The following LAMP3 variants were observed in gnomAD, a reference collection of about 807,000 sequenced individuals.
LAMP3 encodes lysosome-associated membrane glycoprotein 3.
Under a neutral mutation model 34.8 loss-of-function variants are expected in LAMP3, and 26 were observed. The ratio of observed to expected loss-of-function variants is 0.75; its 90% CI spans 0.55 to 1.04. The LOEUF is 1.04. Among genes scored for constraint, LAMP3 ranks in the 50% least tolerant of loss-of-function variants. LAMP3 has a pLI of 0.00. For synonymous variants in LAMP3, 180 were observed against 201.9 expected (o/e 0.89, Z 0.92); for missense variants, 495 against 524.0 (o/e 0.94, Z 0.54).
chr3:183,143,880 G>A lies in LAMP3; in HGVS notation c.889-3285C>T, dbSNP rs192615334. On this transcript the variant is annotated intron_variant, in intron 3 of 5. Coordinates refer to ENST00000265598, the MANE Select transcript of LAMP3 (RefSeq NM_014398.4). ...AGGCTCTGTGGTCCTTTGTTAATCCGTCAAGGAACCTTAACATCCTCCTTA... is the reference window on the plus strand; with the variant it reads ...AGGCTCTGTGGTCCTTTGTTAATCCATCAAGGAACCTTAACATCCTCCTTA... Among the ~76,000 whole-genome samples the A allele has an allele frequency of 1.3e-3, 192 of 152,130 alleles. 1 individual carries two copies. The highest frequency in any genetic ancestry group is 2.1e-3 in the Non-Finnish European group (142 of 67,998).
chr3:183,158,010 G>T, intron 1 of LAMP3: 1 of 152,514 alleles, frequency 6.6e-6, no homozygotes, highest in Non-Finnish European at 1.5e-5. Context: ...AGAAGGCTGG[G>T]CTGGCAAATG....
intron 5 of LAMP3, among the ~76,000 whole-genome samples, chr3:183,129,715 C>G (rs1719862051): frequency 6.6e-6 from 1 of 152,166 alleles, no homozygotes; most frequent in East Asian, 1.9e-4. Context: ...CTTTCTGTTC[C>G]TTGAATTATG....
chr3:183,143,204 G>A (rs546742947), intron 3 of LAMP3, among the ~76,000 whole-genome samples: 2 of 152,236 alleles, frequency 1.3e-5, no homozygotes, highest in Admixed American at 6.5e-5. Context: ...AACCTGCTGG[G>A]CTCAAGTGAT....
upstream of LAMP3, chr3:183,163,757 C>A (rs923511106): frequency 2.0e-5 from 3 of 152,350 alleles, no homozygotes; most frequent in African/African-American, 7.2e-5. Flanking sequence ...GCCCAGGCCT[C>A]GCCAGGACCG....
intron 3 of LAMP3, among the ~76,000 whole-genome samples, chr3:183,140,879 G>C (rs552491333): frequency 2.0e-5 from 3 of 152,170 alleles, no homozygotes; most frequent in Non-Finnish European, 4.4e-5. Flanking sequence ...GAGTCCCTTC[G>C]GTTGGGCCAA....
chr3:183,141,580 T>C (rs1187076763), intron 3 of LAMP3, among the ~76,000 whole-genome samples: 2 of 152,302 alleles, frequency 1.3e-5, no homozygotes, highest in Middle Eastern at 6.8e-3. Flanking sequence ...GTTTCAAATA[T>C]AGTCATTAGA....
At chr3:183,137,585 A>G (rs1413913179) in intron 4 of LAMP3, among the ~76,000 whole-genome samples, 1 of 152,162 alleles carries the variant, frequency 6.6e-6, no homozygotes, top group Non-Finnish European at 1.5e-5. Context: ...CTCTGTGTAC[A>G]CTGCCGGGTC....
intron 2 of LAMP3, among the ~76,000 whole-genome samples, chr3:183,152,783 T>C (rs1720680988): frequency 6.6e-6 from 1 of 152,226 alleles, no homozygotes; most frequent in African/African-American, 2.4e-5. Context: ...ACATGTTAAA[T>C]GATACTAGAG....
chr3:183,131,069 G>C (rs1719904877), intron 5 of LAMP3, among the ~76,000 whole-genome samples: 1 of 152,124 alleles, frequency 6.6e-6, no homozygotes, highest in Admixed American at 6.6e-5. Context: ...TGCTTTTTGT[G>C]GTTACCAGAA....
chr3:183,152,225 G>A, intron 3 of LAMP3, 150 bp downstream of exon 3: 1 of 849,454 alleles, frequency 1.2e-6, no homozygotes, highest in South Asian at 2.1e-5. Flanking sequence ...AACATAAGAT[G>A]TTGACACTTC....
chr3:183,132,478 C>T, intron 5 of LAMP3: 1 of 984,260 alleles, frequency 1.0e-6, no homozygotes. Context: ...AACGTCTTCC[C>T]CACAATTCTC....
At position 183,135,777 on chromosome 3, in the gene LAMP3, C is replaced by T. The variant is rs770062738; in HGVS notation, c.1057G>A (p.Val353Met). 18 of 1,614,172 alleles carry T rather than the reference C, an allele frequency of 1.1e-5. 2 individuals carry two copies. The South Asian group carries it at 1.9e-4, about 17-fold the overall frequency. The change falls in exon 5 of 6, where the codon GTG becomes ATG. Residue 353 changes from valine to methionine, a missense_variant. Coordinates refer to ENST00000265598, the MANE Select transcript of LAMP3 (RefSeq NM_014398.4). ...QSLQLSAHLQ[V>M]KTTDVQLQAF... ...TGAAGTTGGACATCGGTTGTTTTCA[C>T]CTGCAGGTGGGCTGACAACTGGAGG...
chr3:183,128,090 A>C (rs597628), intron 5 of LAMP3, among the ~76,000 whole-genome samples: 1 of 151,234 alleles, frequency 6.6e-6, no homozygotes, highest in Non-Finnish European at 1.5e-5. Flanking sequence ...GGAGCTTGCA[A>C]TGAGCCGAGA....
intron 3 of LAMP3, among the ~76,000 whole-genome samples, chr3:183,148,280 C>T (rs941098767): frequency 1.3e-4 from 20 of 152,148 alleles, no homozygotes; most frequent in African/African-American, 3.4e-4. Context: ...TTGAGTAATA[C>T]GCCAAACCAC....
chr3:183,153,816 A>G lies in LAMP3; in HGVS notation c.625T>C (p.Ser209Pro). Residue 209 changes from serine to proline, a missense_variant, in exon 2 of 6, where the codon TCC (serine) becomes CCC (proline). By Grantham distance (74) the Ser-to-Pro change is moderately conservative. Transcript: ENST00000265598. ...GCAAGGGTGGGCCCAGGAACCGTGG[A>G]GGCAGGTGCAGCTGTGCGGGTGGTA... is the stretch of plus-strand genomic sequence containing the variant. ...HNTTRTAAPA[S>P]TVPGPTLAPQ... 6.3e-7 allele frequency: 1 copy of G among 1,599,298 alleles called. No homozygotes were observed. Among genetic ancestry groups the G allele is most frequent in the Non-Finnish European group, 8.5e-7 (1 of 1,171,978 alleles).
intron 5 of LAMP3, among the ~76,000 whole-genome samples, chr3:183,128,428 T>C (rs1431328966): frequency 2.0e-5 from 3 of 152,212 alleles, no homozygotes; most frequent in Non-Finnish European, 1.5e-5. Context: ...AGCATCCTCA[T>C]TCTTCTTGTA....
intron 5 of LAMP3, among the ~76,000 whole-genome samples, chr3:183,125,890 G>A (rs1047714410): frequency 1.3e-5 from 2 of 152,074 alleles, no homozygotes; most frequent in African/African-American, 4.8e-5. Context: ...GCCCAGGCTG[G>A]TTTCAAACTC....
chr3:183,130,437 C>T (rs568353316), intron 5 of LAMP3, among the ~76,000 whole-genome samples: 202 of 152,024 alleles, frequency 1.3e-3, no homozygotes, highest in African/African-American at 4.8e-3. Flanking sequence ...GGATTACAGG[C>T]GTGAGCCACC....
At chr3:183,160,124 T>C (rs1326370717) in intron 1 of LAMP3, among the ~76,000 whole-genome samples, 2 of 152,216 alleles carry the variant, frequency 1.3e-5, no homozygotes, top group African/African-American at 2.4e-5. Flanking sequence ...TAATCTACTG[T>C]TATTTTGGCT....
Sources: gnomAD v4.1 joint callset for allele counts (sites outside exome capture counted in the v4.1 genomes callset) on GRCh38, gnomAD v4.1.1 for gene constraint, MANE v1.5 for transcripts, NCBI Gene and HGNC (gene_info 2026-07-23, HGNC 2026-07-21) for gene names.